Variants in SDK1 observed in about 807,000 individuals in gnomAD.
SDK1 encodes protein sidekick-1.
In SDK1, 157 loss-of-function variants were observed where a neutral mutation model predicts 245.5. The ratio of observed to expected loss-of-function variants is 0.64; its 90% CI spans 0.56 to 0.73. The LOEUF is 0.73. Among genes scored for constraint, SDK1 ranks in the 30% least tolerant of loss-of-function variants. SDK1 has a pLI of 0.00. For missense variants in SDK1, 3,583 were observed against 3,002.3 expected, an observed-to-expected ratio of 1.19 and a Z score of -4.52; for synonymous variants, 1,647 against 1,278.5, an observed-to-expected ratio of 1.29 and a Z score of -6.15.
intron 20 of SDK1, among the ~76,000 whole-genome samples, chr7:4,071,495 G>A (rs1467656578): frequency 1.3e-5 from 2 of 152,218 alleles, no homozygotes; most frequent in African/African-American, 2.4e-5. Context: ...AGAATCGCAA[G>A]TGCTGAGTGT....
At chr7:3,332,114 A>G (rs755123072) in intron 1 of SDK1, among the ~76,000 whole-genome samples, 6 of 152,208 alleles carry the variant, frequency 3.9e-5, no homozygotes, top group Admixed American at 1.3e-4. Context: ...TTAAAAGTTA[A>G]TATGTCTAAA....
intron 4 of SDK1, among the ~76,000 whole-genome samples, chr7:3,661,592 A>G (rs1444183003): frequency 1.3e-5 from 2 of 152,148 alleles, no homozygotes; most frequent in African/African-American, 4.8e-5. Context: ...AAAAGCATCT[A>G]CTGATTAAAA....
Position 4,268,210 on chromosome 7 carries a change from G to C in SDK1, c.*2826G>C. ...AACGTGGCTCATTTCAGATTGCTTC[G>C]GCCCCACCCTGCAAGGATGTGGTCA... is the stretch of plus-strand genomic sequence containing the variant. On this transcript the variant is annotated 3_prime_UTR_variant, in exon 45 of 45. Coordinates refer to ENST00000404826, the MANE Select transcript of SDK1 (RefSeq NM_152744.4). 1 of 987,700 alleles carries C rather than the reference G, an allele frequency of 1.0e-6. No homozygotes were observed. Among genetic ancestry groups the C allele is most frequent in the Non-Finnish European group, 1.2e-6 (1 of 831,418 alleles). The allele number at this position is 987,700 out of a possible 1,614,324, so 61.2% of individuals were successfully genotyped here.
chr7:4,091,334 CTTTTTTT>C (rs61065472), intron 22 of SDK1, among the ~76,000 whole-genome samples: 54 of 108,216 alleles, frequency 5.0e-4, no homozygotes, highest in South Asian at 4.6e-3. Context: ...CTTTTCTTTT[CTTTTTTT>C]TTTTTTTTTT....
At position 4,173,625 on chromosome 7, in the gene SDK1, A is replaced by G. The variant is rs928954938; in HGVS notation, c.4801-597A>G. Among the ~76,000 whole-genome samples, 4 of 152,224 alleles carry G rather than the reference A, an allele frequency of 2.6e-5. No homozygotes were observed. The East Asian group carries it at 5.8e-4, about 22-fold the overall frequency. On this transcript the variant is annotated intron_variant, in intron 32 of 44. Coordinates refer to ENST00000404826, the MANE Select transcript of SDK1 (RefSeq NM_152744.4). Reference sequence around the variant, plus strand: ...GGTGAGAGCTGGATGGCAAGGGTGTATTGTTTGCCTGGGGCAGCTGAAGCA... The same window carrying G: ...GGTGAGAGCTGGATGGCAAGGGTGTGTTGTTTGCCTGGGGCAGCTGAAGCA...
chr7:3,666,783 A>G (rs755068423), intron 4 of SDK1, among the ~76,000 whole-genome samples: 6 of 152,228 alleles, frequency 3.9e-5, no homozygotes, highest in Non-Finnish European at 7.3e-5. Context: ...ACATCCTTTA[A>G]TGATGTCAGT....
chr7:4,189,189 G>A (rs777014362), intron 35 of SDK1, among the ~76,000 whole-genome samples: 3 of 152,096 alleles, frequency 2.0e-5, no homozygotes, highest in South Asian at 2.1e-4. Flanking sequence ...CTCTGGCACG[G>A]TGCTGCTGGG....
At chr7:3,598,741 C>A (rs74876926) in intron 1 of SDK1, among the ~76,000 whole-genome samples, 4,963 of 152,248 alleles carry the variant, frequency 0.033, 249 homozygotes, top group African/African-American at 0.11. Flanking sequence ...ACATTTTTGT[C>A]ACTCAGCAAA....
Position 4,268,758 on chromosome 7 carries a change from C to T in SDK1, c.*3374C>T. The T allele has an allele frequency of 7.3e-7, 1 of 1,367,312 alleles. No individual in the cohort carries two copies. The highest frequency in any genetic ancestry group is 9.8e-7 in the Non-Finnish European group (1 of 1,021,536). 84.7% of individuals were successfully genotyped at this position (1,367,312 alleles called of 1,614,324 possible). On this transcript the variant is annotated 3_prime_UTR_variant, in exon 45 of 45. Transcript: ENST00000404826. Reference sequence around the variant, plus strand: ...GGGTCAGCGTCCTGGTAGCATGGATCCAGTCTGAAAGGTGAGGACAACGTG... The same window carrying T: ...GGGTCAGCGTCCTGGTAGCATGGATTCAGTCTGAAAGGTGAGGACAACGTG...
chr7:4,245,858 G>GT, intron 44 of SDK1, 53 bp downstream of exon 44: 1 of 1,605,360 alleles, frequency 6.2e-7, no homozygotes, highest in Non-Finnish European at 8.5e-7. Flanking sequence ...TACTTCTGCA[G>GT]TGAGACTTCT....
chr7:3,870,911 T>G (rs531352748), intron 5 of SDK1, among the ~76,000 whole-genome samples: 1 of 152,346 alleles, frequency 6.6e-6, no homozygotes, highest in South Asian at 2.1e-4. Flanking sequence ...TTTATGACCT[T>G]GATACTTTGG....
chr7:3,903,180 G>A (rs138235303), intron 5 of SDK1, among the ~76,000 whole-genome samples: 64 of 147,498 alleles, frequency 4.3e-4, no homozygotes, highest in African/African-American at 1.6e-3. Context: ...ACGAGACTCC[G>A]TCGCTCAGGC....
intron 35 of SDK1, among the ~76,000 whole-genome samples, chr7:4,200,316 C>T (rs1473456802): frequency 2.0e-5 from 3 of 152,234 alleles, no homozygotes; most frequent in Admixed American, 1.3e-4. Context: ...TTGGCTGAGG[C>T]CGGCACCTTC....
intron 1 of SDK1, among the ~76,000 whole-genome samples, chr7:3,601,743 T>C (rs1781260073): frequency 6.6e-6 from 1 of 151,958 alleles, no homozygotes; most frequent in African/African-American, 2.4e-5. Context: ...TTGTTACATA[T>C]GTATACATGT....
intron 1 of SDK1, among the ~76,000 whole-genome samples, chr7:3,321,802 T>TTCTCCC (rs1444181901): frequency 3.6e-4 from 43 of 121,028 alleles, no homozygotes; most frequent in African/African-American, 1.3e-3. Context: ...CCTTCCTTCC[T>TTCTCCC]TCCTTCCTTC....
intron 9 of SDK1, among the ~76,000 whole-genome samples, chr7:3,967,060 C>T (rs1185216306): frequency 6.6e-6 from 1 of 152,232 alleles, no homozygotes; most frequent in African/African-American, 2.4e-5. Context: ...AACTGTTCTT[C>T]CTGGGCCCCT....
intron 28 of SDK1, among the ~76,000 whole-genome samples, chr7:4,133,955 A>C (rs1785033246): frequency 6.6e-6 from 1 of 152,244 alleles, no homozygotes; most frequent in Non-Finnish European, 1.5e-5. Flanking sequence ...CTTGGTTTGA[A>C]GAAAGAGTTT....
chr7:3,598,930 G>T (rs1042669436), intron 1 of SDK1, among the ~76,000 whole-genome samples: 2 of 152,100 alleles, frequency 1.3e-5, no homozygotes, highest in Non-Finnish European at 2.9e-5. Flanking sequence ...GAAGGTTTCT[G>T]TGTGAACATA....
chr7:3,539,065 G>C (rs761195394), intron 1 of SDK1, among the ~76,000 whole-genome samples: 1 of 152,042 alleles, frequency 6.6e-6, no homozygotes, highest in Non-Finnish European at 1.5e-5. Context: ...TACTTTCTGC[G>C]ATCATTATGC....
Sources: allele counts gnomAD v4.1 joint callset (sites outside exome capture counted in the v4.1 genomes callset), GRCh38; gene constraint gnomAD v4.1.1; transcripts MANE v1.5; gene names NCBI Gene and HGNC (gene_info 2026-07-23, HGNC 2026-07-21).